The following ABR variants were observed in gnomAD, a reference collection of about 807,000 sequenced individuals.
ABR encodes the protein active breakpoint cluster region-related protein.
In ABR, 35 loss-of-function variants were observed where a neutral mutation model predicts 107.2. The ratio of observed to expected loss-of-function variants is 0.33; its 90% CI spans 0.25 to 0.43. ABR has a LOEUF of 0.43. Ranked by LOEUF, ABR falls within the 20% of genes least tolerant of loss-of-function variation. The pLI is 1.00. For missense variants in ABR, 815 were observed against 1,115.2 expected (o/e 0.73, Z 3.83); for synonymous variants, 498 against 462.0 (o/e 1.08, Z -1.00).
chr17:1,034,044 C>T (rs2072998721), intron 16 of ABR, among the ~76,000 whole-genome samples: 1 of 150,004 alleles, frequency 6.7e-6, no homozygotes, highest in Admixed American at 6.7e-5. Flanking sequence ...AATCTTGGCT[C>T]ACTGCAGCCT....
rs1390207647 is a variant in ABR at position 1,078,975 on chromosome 17, C to CG, written c.700+354dup. ...GATGCTGCCGCACGGACTCCAGCATCGGGCAGCCGCTCCGGAGTGCTCTTC... is the reference window on the plus strand; with the variant it reads ...GATGCTGCCGCACGGACTCCAGCATCGGGGCAGCCGCTCCGGAGTGCTCTTC... On this transcript the variant is annotated intron_variant, in intron 6 of 22. Coordinates refer to ENST00000302538, the MANE Select transcript of ABR (RefSeq NM_021962.5). This position sits in a 1 kb window ranked among gnomAD's most constrained non-coding sequence, Gnocchi z 7.5. 1.0e-5 allele frequency: 14 copies of CG among 1,343,382 alleles called. No homozygotes were observed. Among genetic ancestry groups the CG allele is most frequent in the Admixed American group, 2.3e-5 (1 of 43,290 alleles). The allele number at this position is 1,343,382 out of a possible 1,614,324, so 83.2% of individuals were successfully genotyped here.
intron 16 of ABR, among the ~76,000 whole-genome samples, chr17:1,029,794 CCG>C: frequency 1.1e-5 from 1 of 92,934 alleles, no homozygotes; most frequent in Non-Finnish European, 2.5e-5. Context: ...AGACGTCCCT[CCG>C]TCCACCACAG....
chr17:1,153,539 G>T (rs1253923288), intron 1 of ABR, among the ~76,000 whole-genome samples: 10 of 112,854 alleles, frequency 8.9e-5, no homozygotes, highest in Non-Finnish European at 1.7e-4. Flanking sequence ...GGGGACCCAG[G>T]CACACCTGCG....
chr17:1,088,650 A>G (rs1393981464), intron 4 of ABR, among the ~76,000 whole-genome samples: 2 of 151,534 alleles, frequency 1.3e-5, no homozygotes, highest in African/African-American at 4.9e-5. Flanking sequence ...GAGTGGCACG[A>G]TCTCGGCTCA....
At chr17:1,180,424 C>G (rs78027770), upstream of ABR, among the ~76,000 whole-genome samples, 4,861 of 152,256 alleles carry the variant, frequency 0.032, 264 homozygotes, top group African/African-American at 0.11. Flanking sequence ...GGACGCGCCT[C>G]TCTCCTCCCG....
intron 1 of ABR, among the ~76,000 whole-genome samples, chr17:1,198,474 G>A (rs1037636813): frequency 1.3e-5 from 2 of 151,452 alleles, no homozygotes; most frequent in Non-Finnish European, 2.9e-5. Flanking sequence ...CAGGCACAGT[G>A]GCTCAAACCT....
intron 6 of ABR, chr17:1,079,025 G>T (rs1354433577): frequency 2.8e-6 from 4 of 1,448,768 alleles, no homozygotes; most frequent in African/African-American, 2.8e-5. Context: ...GGAGGGAGGC[G>T]CGTGGCGAGG....
intron 1 of ABR, among the ~76,000 whole-genome samples, chr17:1,144,440 C>T (rs1203843276): frequency 6.6e-6 from 1 of 152,140 alleles, no homozygotes; most frequent in Admixed American, 6.5e-5. Context: ...GCGTCCAGAC[C>T]TAATCTCTAG....
chr17:1,147,540 T>C lies in ABR; in HGVS notation c.62-22173A>G, dbSNP rs186590221. Among the ~76,000 whole-genome samples, 947 of 152,226 alleles carry C rather than the reference T, an allele frequency of 6.2e-3. 9 individuals carry two copies. The highest frequency in any genetic ancestry group is 0.022 in the African/African-American group (906 of 41,542). ...CACACTCAGCTAATTTTTATATTTT[T>C]AGTAGAGATGGGATTTCCCAATGTT... On this transcript the variant is annotated intron_variant, in intron 1 of 22. Transcript: ENST00000302538.
At chr17:1,036,984 T>G (rs747400425) in intron 16 of ABR, among the ~76,000 whole-genome samples, 2 of 151,842 alleles carry the variant, frequency 1.3e-5, no homozygotes, top group Non-Finnish European at 2.9e-5. Flanking sequence ...TGTTTCTTTC[T>G]TTCCTTCCTT....
At position 1,179,818 on chromosome 17, in the gene ABR, T is replaced by C; in HGVS notation, c.-91A>G. Reference sequence around the variant, plus strand: ...GGCGGGAGCCGGGGGAGGCCGAAGTTGCGAGCGCGGAGGGGCGAGGAGGCC... The same window carrying C: ...GGCGGGAGCCGGGGGAGGCCGAAGTCGCGAGCGCGGAGGGGCGAGGAGGCC... On this transcript the variant is annotated 5_prime_UTR_variant, in exon 1 of 23. Transcript: ENST00000302538. This position sits in a 1 kb window ranked among gnomAD's most constrained non-coding sequence, Gnocchi z 4.9. 7.7e-7 allele frequency: 1 copy of C among 1,295,658 alleles called. No individual in the cohort carries two copies. Among genetic ancestry groups the C allele is most frequent in the Non-Finnish European group, 1.0e-6 (1 of 997,726 alleles). 80.3% of individuals were successfully genotyped at this position (1,295,658 alleles called of 1,614,324 possible).
At chr17:1,057,815 A>T in intron 12 of ABR, 155 bp downstream of exon 12, 1 of 650,854 alleles carries the variant, frequency 1.5e-6, no homozygotes, top group Non-Finnish European at 2.7e-6. Flanking sequence ...TTGGGTCTCA[A>T]TTAATCCGTA....
chr17:1,200,589 A>G lies in ABR; in HGVS notation c.838+28204T>C, dbSNP rs559775375. Among the ~76,000 whole-genome samples, 1 of 152,080 alleles carries G rather than the reference A, an allele frequency of 6.6e-6. No individual in the cohort carries two copies. The highest frequency in any genetic ancestry group is 2.1e-4 in the South Asian group (1 of 4,810). ...TCTCAGCCTGATCTTTGGCCAGTCC[A>G]GCTTCATTTTCTCCCCTCCTCCCGT... On this transcript the variant is annotated intron_variant, in intron 1 of 22. Transcript: ENST00000574139. This position sits in a 1 kb window ranked among gnomAD's most constrained non-coding sequence, Gnocchi z 4.1.
chr17:1,079,851 C>G (rs2036086873), intron 5 of ABR, among the ~76,000 whole-genome samples: 1 of 146,260 alleles, frequency 6.8e-6, no homozygotes, highest in African/African-American at 2.5e-5. Context: ...GCCCCATGGC[C>G]ATGGGCTGCC....
chr17:1,132,223 G>GCA (rs148600729), intron 1 of ABR, among the ~76,000 whole-genome samples: 8,675 of 151,368 alleles, frequency 0.057, 344 homozygotes, highest in Middle Eastern at 0.14. Context: ...ACAAAGACAC[G>GCA]CACACACACA....
intron 1 of ABR, among the ~76,000 whole-genome samples, chr17:1,195,304 C>CCGATGCAAAAAAAAAA: frequency 1.1e-5 from 1 of 87,636 alleles, no homozygotes; most frequent in South Asian, 4.6e-4. Flanking sequence ...GAGACTGTCT[C>CCGATGCAAAAAAAAAA]AAAAAAAAAA....
upstream of ABR, among the ~76,000 whole-genome samples, chr17:1,191,797 C>T (rs2042443001): frequency 6.6e-6 from 1 of 152,130 alleles, no homozygotes; most frequent in Admixed American, 6.6e-5. Context: ...CCCAGGCTGC[C>T]GTCAGGACTC....
Position 1,004,950 on chromosome 17 carries a change from A to T in ABR, c.*1130T>A. The stretch of plus-strand genomic sequence containing the variant: ...ACCACGAGGTCCTGCGGTGCCAGGG[A>T]GCTCCTGGCTGCAGCCTACCTGCCT... On this transcript the variant is annotated 3_prime_UTR_variant, in exon 23 of 23. Transcript: ENST00000302538. 2.5e-6 allele frequency: 1 copy of T among 398,746 alleles called. No homozygotes were observed. Among genetic ancestry groups the T allele is most frequent in the East Asian group, 3.6e-5 (1 of 28,070 alleles). The allele number at this position is 398,746 out of a possible 1,614,324, so 24.7% of individuals were successfully genotyped here.
rs575516338 is a variant in ABR, at chr17:1,018,187, C to T, written c.1792-5023G>A. ...CCTCCTGAGTAGCTGGGACTACAGG[C>T]GCCCGCCACCACCCCCGGCTAATTT... On this transcript the variant is annotated intron_variant, in intron 16 of 22. Transcript: ENST00000302538. Among the ~76,000 whole-genome samples, 647 of 152,090 alleles carry T rather than the reference C, an allele frequency of 4.3e-3. 2 individuals are homozygous for T. Among genetic ancestry groups the T allele is most frequent in the African/African-American group, 0.014 (566 of 41,476 alleles).
Sources: gnomAD v4.1 joint callset for allele counts (sites outside exome capture counted in the v4.1 genomes callset) on GRCh38, gnomAD v4.1.1 for gene constraint, Gnocchi (gnomAD v3.1) non-coding constraint, MANE v1.5 for transcripts, NCBI Gene and HGNC (gene_info 2026-07-23, HGNC 2026-07-21) for gene names.